The following CDH12 variants were observed in gnomAD, a reference collection of about 807,000 sequenced individuals.
The protein encoded by CDH12 is cadherin 12, also known as cadherin-12.
In CDH12, 41 loss-of-function variants were observed where a neutral mutation model predicts 74.1. That is an observed-to-expected ratio of 0.55 (90% CI 0.43 to 0.72). CDH12 has a LOEUF of 0.72. CDH12 is among the 30% of genes least tolerant of loss of function. CDH12 has a pLI of 0.00. For synonymous variants in CDH12, 399 were observed against 355.0 expected (o/e 1.12, Z -1.39); for missense variants, 945 against 977.2 (o/e 0.97, Z 0.44).
chr5:22,017,628 A>G (rs528732519), intron 5 of CDH12, among the ~76,000 whole-genome samples: 53 of 152,256 alleles, frequency 3.5e-4, no homozygotes, highest in Middle Eastern at 3.4e-3. Flanking sequence ...AATGAAGAAG[A>G]TGTAAATGTG....
At chr5:22,464,132 G>A (rs934985110) in intron 2 of CDH12, among the ~76,000 whole-genome samples, 23 of 152,122 alleles carry the variant, frequency 1.5e-4, no homozygotes, top group Admixed American at 1.3e-3. Flanking sequence ...TTTCAAAGAG[G>A]AATTCCCCTG....
chr5:21,860,156 TTTTC>T (rs1420302401), intron 6 of CDH12, among the ~76,000 whole-genome samples: 2 of 152,086 alleles, frequency 1.3e-5, no homozygotes, highest in African/African-American at 4.8e-5. Flanking sequence ...CATGAATACT[TTTTC>T]TTTATTTTGT....
intron 5 of CDH12, among the ~76,000 whole-genome samples, chr5:22,011,991 A>T: frequency 6.6e-6 from 1 of 152,104 alleles, no homozygotes; most frequent in Non-Finnish European, 1.5e-5. Flanking sequence ...CTTTTATCTC[A>T]AAAGAGTCAA....
intron 6 of CDH12, among the ~76,000 whole-genome samples, chr5:21,952,518 G>T (rs573924502): frequency 1.3e-5 from 2 of 152,134 alleles, no homozygotes; most frequent in East Asian, 1.9e-4. Context: ...CATAACTTTC[G>T]CATCTTGTCT....
chr5:22,263,523 A>G (rs1753597477), intron 3 of CDH12, among the ~76,000 whole-genome samples: 1 of 152,094 alleles, frequency 6.6e-6, no homozygotes, highest in Non-Finnish European at 1.5e-5. Flanking sequence ...GTAAAAGTCA[A>G]ATAAAATCTC....
At position 21,807,647 on chromosome 5, in the gene CDH12, A is replaced by G. The variant is rs147936417; in HGVS notation, c.1003-5227T>C. 1.1e-3 allele frequency among the ~76,000 whole-genome samples: 173 copies of G among 152,224 alleles called. 1 individual carries two copies. Among genetic ancestry groups the G allele is most frequent in the African/African-American group, 3.9e-3 (164 of 41,554 alleles). Reference sequence around the variant, plus strand: ...TGCTTCCAGATAATGTTGAGTGGAAATGGATAGCTATGGTTATAGATATTT... The same window carrying G: ...TGCTTCCAGATAATGTTGAGTGGAAGTGGATAGCTATGGTTATAGATATTT... On this transcript the variant is annotated intron_variant, in intron 9 of 14. Transcript: ENST00000382254.
intron 1 of CDH12, among the ~76,000 whole-genome samples, chr5:22,732,640 G>A (rs1264180161): frequency 6.6e-6 from 1 of 151,752 alleles, no homozygotes; most frequent in Non-Finnish European, 1.5e-5. Flanking sequence ...AAATAATAAT[G>A]AATACAGATA....
intron 1 of CDH12, among the ~76,000 whole-genome samples, chr5:22,565,914 G>A (rs1739260643): frequency 6.6e-6 from 1 of 152,078 alleles, no homozygotes; most frequent in African/African-American, 2.4e-5. Flanking sequence ...AAGTAATAGA[G>A]CTTAAACAAT....
At chr5:22,102,971 G>GGCAC (rs1418207643) in intron 4 of CDH12, among the ~76,000 whole-genome samples, 1 of 151,214 alleles carries the variant, frequency 6.6e-6, no homozygotes, top group Non-Finnish European at 1.5e-5. Flanking sequence ...GTGAGGAACA[G>GGCAC]GCACGCATCT....
chr5:22,095,909 GC>G (rs538893042), intron 4 of CDH12, among the ~76,000 whole-genome samples: 98 of 149,254 alleles, frequency 6.6e-4, no homozygotes, highest in African/African-American at 2.1e-3. Context: ...TTATTTCCGT[GC>G]CCCAACCTCT....
At chr5:22,286,819 T>G (rs775045066) in intron 3 of CDH12, among the ~76,000 whole-genome samples, 1 of 152,174 alleles carries the variant, frequency 6.6e-6, no homozygotes, top group Non-Finnish European at 1.5e-5. Flanking sequence ...TTTTGTATCA[T>G]GTTAAGCAAA....
chr5:22,257,129 A>G (rs530451062), intron 3 of CDH12, among the ~76,000 whole-genome samples: 37 of 152,304 alleles, frequency 2.4e-4, no homozygotes, highest in African/African-American at 8.4e-4. Context: ...TGATGAGAAT[A>G]CATGGACACA....
At chr5:22,407,781 T>C (rs1382691170) in intron 2 of CDH12, among the ~76,000 whole-genome samples, 2 of 152,090 alleles carry the variant, frequency 1.3e-5, no homozygotes, top group Non-Finnish European at 2.9e-5. Flanking sequence ...TTCTCTTCTG[T>C]CACTTTACTT....
At chr5:22,536,882 T>C (rs1354759192) in intron 1 of CDH12, among the ~76,000 whole-genome samples, 1 of 152,228 alleles carries the variant, frequency 6.6e-6, no homozygotes, top group Non-Finnish European at 1.5e-5. Flanking sequence ...AGCTTTCTTT[T>C]TGTGGTTTTT....
intron 4 of CDH12, among the ~76,000 whole-genome samples, chr5:22,093,628 A>G (rs527843730): frequency 6.6e-6 from 1 of 152,306 alleles, no homozygotes; most frequent in South Asian, 2.1e-4. Flanking sequence ...TATGACCTGG[A>G]GAATGATTGC....
At chr5:21,991,020 T>C (rs1757726401) in intron 5 of CDH12, among the ~76,000 whole-genome samples, 6 of 151,594 alleles carry the variant, frequency 4.0e-5, no homozygotes, top group Admixed American at 3.9e-4. Context: ...TAGCAATAGA[T>C]ATAAACTACC....
intron 1 of CDH12, among the ~76,000 whole-genome samples, chr5:22,678,118 G>A (rs891780590): frequency 6.6e-6 from 1 of 151,566 alleles, no homozygotes; most frequent in African/African-American, 2.4e-5. Flanking sequence ...TGTTTCTCCA[G>A]TTAGTCACAA....
Position 21,909,778 on chromosome 5 carries a change from A to G in CDH12, c.527-54988T>C, listed in dbSNP as rs550151876. 2.0e-5 allele frequency among the ~76,000 whole-genome samples: 3 copies of G among 152,314 alleles called. No homozygotes were observed. The East Asian group carries it at 5.8e-4, about 29-fold the overall frequency. Reference sequence around the variant, plus strand: ...AAAAACTGGCAAGAGATAATTTCAGAATGAAGGACAATTTAACTATATGAA... The same window carrying G: ...AAAAACTGGCAAGAGATAATTTCAGGATGAAGGACAATTTAACTATATGAA... On this transcript the variant is annotated intron_variant, in intron 6 of 14. Transcript: ENST00000382254.
At chr5:22,599,550 G>A (rs1736755595) in intron 1 of CDH12, among the ~76,000 whole-genome samples, 1 of 151,806 alleles carries the variant, frequency 6.6e-6, no homozygotes, top group African/African-American at 2.4e-5. Flanking sequence ...CTTGGATATA[G>A]AAGGTATTTT....
Sources: allele counts gnomAD v4.1 joint callset (sites outside exome capture counted in the v4.1 genomes callset), GRCh38; gene constraint gnomAD v4.1.1; transcripts MANE v1.5; gene names NCBI Gene and HGNC (gene_info 2026-07-23, HGNC 2026-07-21).